The following SNX7 variants were observed in gnomAD, a reference collection of about 807,000 sequenced individuals.
SNX7 encodes the protein sorting nexin 7.
In SNX7, 35 loss-of-function variants were observed where a neutral mutation model predicts 48.4. The observed-to-expected ratio is 0.72, with a 90% CI of 0.55 to 0.96. SNX7 has a LOEUF of 0.96. SNX7 is among the 40% of genes least tolerant of loss of function. The pLI is 0.00. For synonymous variants in SNX7, 190 were observed against 190.2 expected (o/e 1.00, Z 0.01); for missense variants, 553 against 548.9 (o/e 1.01, Z -0.07).
Position 98,661,867 on chromosome 1 carries a change from C to T in SNX7, c.136C>T (p.Leu46=). Residue 46 remains leucine (L), a synonymous_variant, in exon 1 of 9, where the codon CTG becomes TTG. Transcript: ENST00000306121. ...TTCCGCCCTGCTGCAGGCGGAGGTG[C>T]TGGATCTGGACGAGGACGAGGACGA... ...GSSALLQAEV[L]DLDEDEDDLE... is the part of the protein sequence containing the mutation. The T allele has an allele frequency of 8.0e-7, 1 of 1,246,860 alleles. No individual in the cohort carries two copies. Among genetic ancestry groups the T allele is most frequent in the Non-Finnish European group, 1.0e-6 (1 of 987,406 alleles). The allele number at this position is 1,246,860 out of a possible 1,614,324, so 77.2% of individuals were successfully genotyped here.
chr1:98,748,882 A>AC (rs1280503259), intron 8 of SNX7, among the ~76,000 whole-genome samples: 2 of 152,212 alleles, frequency 1.3e-5, no homozygotes, highest in East Asian at 3.9e-4. Context: ...GGAGAATAAA[A>AC]CTGGAACACA....
intron 4 of SNX7, among the ~76,000 whole-genome samples, chr1:98,692,321 T>G (rs1651184824): frequency 6.6e-6 from 1 of 152,112 alleles, no homozygotes; most frequent in Non-Finnish European, 1.5e-5. Context: ...TCTACTGTAT[T>G]TATTGATACC....
chr1:98,732,958 C>T (rs1465963288), intron 7 of SNX7, among the ~76,000 whole-genome samples: 1 of 152,106 alleles, frequency 6.6e-6, no homozygotes, highest in Admixed American at 6.6e-5. Context: ...AATGTCAGGT[C>T]TGCTTCGGTG....
At chr1:98,749,061 A>G (rs943721250) in intron 8 of SNX7, among the ~76,000 whole-genome samples, 17 of 152,170 alleles carry the variant, frequency 1.1e-4, no homozygotes, top group Non-Finnish European at 2.2e-4. Context: ...ATTAAACTGG[A>G]TAAACTTCAT....
At chr1:98,675,931 G>A (rs530097992) in intron 1 of SNX7, among the ~76,000 whole-genome samples, 18 of 152,138 alleles carry the variant, frequency 1.2e-4, no homozygotes, top group Middle Eastern at 3.4e-3. Context: ...CTGTCTCTTA[G>A]CACATCATGT....
intron 7 of SNX7, among the ~76,000 whole-genome samples, chr1:98,729,627 A>G (rs1362965160): frequency 6.6e-6 from 1 of 152,176 alleles, no homozygotes; most frequent in Non-Finnish European, 1.5e-5. Context: ...AGAATACTAT[A>G]AACACCTCTA....
intron 6 of SNX7, among the ~76,000 whole-genome samples, chr1:98,699,788 A>G (rs1651657751): frequency 6.6e-6 from 1 of 152,100 alleles, no homozygotes; most frequent in Non-Finnish European, 1.5e-5. Context: ...GATCATGTTT[A>G]GGTTTAGTTT....
intron 4 of SNX7, among the ~76,000 whole-genome samples, chr1:98,692,279 A>T (rs946955593): frequency 8.5e-5 from 13 of 152,064 alleles, no homozygotes; most frequent in Non-Finnish European, 8.8e-5. Context: ...ATTTAAGAAA[A>T]TCCTAAGGAA....
chr1:98,663,671 C>G (rs1203232398), intron 1 of SNX7, among the ~76,000 whole-genome samples: 2 of 152,136 alleles, frequency 1.3e-5, no homozygotes, highest in African/African-American at 2.4e-5. Context: ...ACTAAGGAAT[C>G]TAGATCTCCA....
At chr1:98,669,415 G>T (rs116729212) in intron 1 of SNX7, among the ~76,000 whole-genome samples, 1 of 152,252 alleles carries the variant, frequency 6.6e-6, no homozygotes, top group African/African-American at 2.4e-5. Flanking sequence ...CAGCAAATCA[G>T]TGTTTCCAGA....
At chr1:98,755,890 T>C (rs1426809675) in intron 8 of SNX7, among the ~76,000 whole-genome samples, 1 of 152,058 alleles carries the variant, frequency 6.6e-6, no homozygotes, top group Non-Finnish European at 1.5e-5. Flanking sequence ...CTGCATCTTT[T>C]AATGGTGTGT....
intron 8 of SNX7, among the ~76,000 whole-genome samples, chr1:98,754,083 A>T (rs1570616126): frequency 1.3e-5 from 2 of 152,006 alleles, no homozygotes; most frequent in East Asian, 3.9e-4. Context: ...ATTTGCTGAG[A>T]AATTTTTTTT....
At chr1:98,748,528 G>A (rs1430367887) in intron 8 of SNX7, among the ~76,000 whole-genome samples, 1 of 151,922 alleles carries the variant, frequency 6.6e-6, no homozygotes, top group Non-Finnish European at 1.5e-5. Context: ...TTCTAAAAAT[G>A]TCTAGTTTCT....
intron 8 of SNX7, among the ~76,000 whole-genome samples, chr1:98,749,270 G>A (rs190674458): frequency 1.2e-4 from 19 of 152,146 alleles, no homozygotes; most frequent in African/African-American, 4.6e-4. Context: ...GGCTCCATCT[G>A]TCTTTATCAA....
intron 8 of SNX7, among the ~76,000 whole-genome samples, chr1:98,751,159 A>T (rs1452629467): frequency 6.6e-6 from 1 of 152,090 alleles, no homozygotes; most frequent in Non-Finnish European, 1.5e-5. Context: ...CAAATGTGGA[A>T]GCTTCCATTG....
chr1:98,676,059 C>T (rs1288957668), intron 1 of SNX7, among the ~76,000 whole-genome samples: 3 of 151,742 alleles, frequency 2.0e-5, no homozygotes, highest in East Asian at 3.9e-4. Context: ...AACAGCAATC[C>T]CAACATCTGG....
intron 7 of SNX7, among the ~76,000 whole-genome samples, chr1:98,730,881 AT>A (rs1653472439): frequency 6.6e-6 from 1 of 152,126 alleles, no homozygotes; most frequent in Non-Finnish European, 1.5e-5. Flanking sequence ...GGAAGCCATT[AT>A]CCTCAGCAAA....
At chr1:98,663,382 G>C (rs1649374298) in intron 1 of SNX7, among the ~76,000 whole-genome samples, 1 of 144,930 alleles carries the variant, frequency 6.9e-6, no homozygotes, top group South Asian at 2.2e-4. Context: ...ACAGTGACTC[G>C]GATTGTTTTA....
intron 7 of SNX7, among the ~76,000 whole-genome samples, chr1:98,724,870 A>G (rs1004380679): frequency 3.3e-5 from 5 of 152,200 alleles, no homozygotes; most frequent in Admixed American, 6.5e-5. Context: ...AATTTTTATA[A>G]TTGATACTTT....
Sources: allele counts gnomAD v4.1 joint callset (sites outside exome capture counted in the v4.1 genomes callset), GRCh38; gene constraint gnomAD v4.1.1; transcripts MANE v1.5; gene names NCBI Gene and HGNC (gene_info 2026-07-23, HGNC 2026-07-21).